DLGAP2: variants seen among roughly 807,000 people sequenced by gnomAD.
The protein encoded by DLGAP2 is disks large-associated protein 2.
A neutral mutation model predicts 100.3 loss-of-function variants in DLGAP2; 26 were observed. That is an observed-to-expected ratio of 0.26 (90% CI 0.19 to 0.36). The LOEUF is 0.36. Among genes scored for constraint, DLGAP2 ranks in the 10% least tolerant of loss-of-function variants. The pLI, the probability that DLGAP2 is intolerant of heterozygous loss-of-function variation, is 1.00. For missense variants in DLGAP2, 1,858 were observed against 1,453.2 expected (o/e 1.28, Z -4.53); for synonymous variants, 886 against 630.1 (o/e 1.41, Z -6.08).
At chr8:1,407,435 G>A (rs1443243182) in intron 3 of DLGAP2, among the ~76,000 whole-genome samples, 9 of 133,900 alleles carry the variant, frequency 6.7e-5, no homozygotes, top group Non-Finnish European at 1.1e-4. Flanking sequence ...CTCCAGAGTC[G>A]TGTATTGAGT....
At chr8:1,333,905 C>T (rs1175638970) in intron 3 of DLGAP2, among the ~76,000 whole-genome samples, 1 of 152,242 alleles carries the variant, frequency 6.6e-6, no homozygotes, top group Non-Finnish European at 1.5e-5. Context: ...TCCTTGCCTC[C>T]CATCTGAGGC....
chr8:1,273,490 C>G (rs1158825300), intron 3 of DLGAP2, among the ~76,000 whole-genome samples: 1 of 152,156 alleles, frequency 6.6e-6, no homozygotes, highest in Non-Finnish European at 1.5e-5. Context: ...AGATGGATGA[C>G]CAGGAGTCTC....
chr8:1,318,209 C>T (rs1800811282), intron 3 of DLGAP2, among the ~76,000 whole-genome samples: 1 of 152,168 alleles, frequency 6.6e-6, no homozygotes, highest in African/African-American at 2.4e-5. Flanking sequence ...TGCTGCTTTT[C>T]ATTTCTTTGC....
At chr8:869,335 C>T (rs746081267) in intron 1 of DLGAP2, among the ~76,000 whole-genome samples, 1 of 152,200 alleles carries the variant, frequency 6.6e-6, no homozygotes, top group Non-Finnish European at 1.5e-5. Context: ...GTTTCCGTTA[C>T]AAGAGTCACG....
intron 3 of DLGAP2, among the ~76,000 whole-genome samples, chr8:1,260,106 G>A (rs949525653): frequency 1.3e-5 from 2 of 152,168 alleles, no homozygotes; most frequent in African/African-American, 4.8e-5. Flanking sequence ...GTCTGGGTGT[G>A]GCAGAGGCCG....
At position 1,283,525 on chromosome 8, in the gene DLGAP2, A is replaced by T. The variant is rs191803587; in HGVS notation, c.106+24642A>T. 5.9e-5 allele frequency among the ~76,000 whole-genome samples: 9 copies of T among 152,354 alleles called. No individual in the cohort carries two copies. The East Asian group carries it at 1.5e-3, about 26-fold the overall frequency. On this transcript the variant is annotated intron_variant, in intron 3 of 14. Coordinates refer to ENST00000637795, the MANE Select transcript of DLGAP2 (RefSeq NM_001346810.2). The stretch of plus-strand genomic sequence containing the variant: ...AATCACTTTAGCAGCTGCAGAAGAC[A>T]GTTCCTTTCAGCCTTGGCACTCGGC...
intron 1 of DLGAP2, among the ~76,000 whole-genome samples, chr8:838,384 G>A (rs2132712189): frequency 6.6e-6 from 1 of 151,810 alleles, no homozygotes; most frequent in Non-Finnish European, 1.5e-5. Flanking sequence ...CTTGGCATCA[G>A]TATTTTATTT....
chr8:1,201,791 C>G (rs1282248148), intron 2 of DLGAP2, among the ~76,000 whole-genome samples: 2 of 152,222 alleles, frequency 1.3e-5, no homozygotes, highest in Non-Finnish European at 2.9e-5. Context: ...CGCAGACACA[C>G]AGCGGTGCCT....
At chr8:1,594,576 A>G (rs1033947567) in intron 6 of DLGAP2, among the ~76,000 whole-genome samples, 9 of 152,072 alleles carry the variant, frequency 5.9e-5, no homozygotes, top group African/African-American at 1.9e-4. Flanking sequence ...AAGAGTGAAG[A>G]AAGCTTACAG....
intron 3 of DLGAP2, among the ~76,000 whole-genome samples, chr8:1,483,019 C>T (rs1229872954): frequency 6.6e-6 from 1 of 152,230 alleles, no homozygotes; most frequent in Admixed American, 6.5e-5. Flanking sequence ...TCCGGCACTG[C>T]CTCCTCCTTG....
chr8:1,337,255 G>C lies in DLGAP2; in HGVS notation c.106+78372G>C, dbSNP rs1424526927. ...TGGTGGTGAGAATGATGGTGATGATGGTGGTGATGATGAGGATGATGGTGG... is the reference window on the plus strand; with the variant it reads ...TGGTGGTGAGAATGATGGTGATGATCGTGGTGATGATGAGGATGATGGTGG... On this transcript the variant is annotated intron_variant, in intron 3 of 14. Coordinates refer to ENST00000637795, the MANE Select transcript of DLGAP2 (RefSeq NM_001346810.2). Among the ~76,000 whole-genome samples, 3 of 121,658 alleles carry C rather than the reference G, an allele frequency of 2.5e-5. No individual in the cohort carries two copies. In the East Asian group the frequency reaches 7.8e-4, roughly 32 times the overall value. 79.8% of individuals were successfully genotyped at this position (121,658 alleles called of 152,430 possible).
intron 3 of DLGAP2, among the ~76,000 whole-genome samples, chr8:1,352,508 C>T (rs553918861): frequency 1.5e-3 from 232 of 152,286 alleles, no homozygotes; most frequent in Middle Eastern, 6.8e-3. Flanking sequence ...AGACAGACGT[C>T]TTAAGTGCCA....
At chr8:790,865 C>T (rs1375510673) in intron 1 of DLGAP2, among the ~76,000 whole-genome samples, 3 of 152,110 alleles carry the variant, frequency 2.0e-5, no homozygotes, top group Non-Finnish European at 4.4e-5. Context: ...CCTGCCTCAG[C>T]CTCCTGAGTA....
intron 3 of DLGAP2, among the ~76,000 whole-genome samples, chr8:1,358,731 G>C (rs557596207): frequency 2.0e-5 from 3 of 151,258 alleles, no homozygotes; most frequent in South Asian, 4.3e-4. Context: ...ACCATGCTGC[G>C]CAGACAGGGG....
rs368087699 is a variant in DLGAP2, at chr8:1,536,589, A to T, written c.173-12037A>T. Among the ~76,000 whole-genome samples, 48 of 152,214 alleles carry T rather than the reference A, an allele frequency of 3.2e-4. No homozygotes were observed. In the South Asian group the frequency reaches 6.4e-3, roughly 20 times the overall value. On this transcript the variant is annotated intron_variant, in intron 4 of 14. Transcript: ENST00000637795. ...GTGCTTCTGCGAAAGTGTAGTATAA[A>T]TTCCATGGGGCCAGCCCTGCATCCT...
At chr8:1,326,538 G>A (rs1260757494) in intron 3 of DLGAP2, among the ~76,000 whole-genome samples, 1 of 152,040 alleles carries the variant, frequency 6.6e-6, no homozygotes, top group Non-Finnish European at 1.5e-5. Flanking sequence ...GTCCGGTCCT[G>A]TCTTTCAGGA....
At chr8:1,029,375 G>A (rs1209725274) in intron 2 of DLGAP2, among the ~76,000 whole-genome samples, 3 of 152,202 alleles carry the variant, frequency 2.0e-5, no homozygotes, top group African/African-American at 7.2e-5. Flanking sequence ...TGAGGAAAGT[G>A]GGCAAAGAGT....
intron 3 of DLGAP2, among the ~76,000 whole-genome samples, chr8:1,358,804 C>T (rs944541761): frequency 6.6e-6 from 1 of 152,066 alleles, no homozygotes; most frequent in East Asian, 1.9e-4. Flanking sequence ...ACCGAACTGC[C>T]TGATCAGGCC....
At chr8:1,309,904 A>G (rs908428062) in intron 3 of DLGAP2, among the ~76,000 whole-genome samples, 2 of 152,140 alleles carry the variant, frequency 1.3e-5, no homozygotes, top group African/African-American at 2.4e-5. Flanking sequence ...AGACCAGCCT[A>G]GCCAACATGG....
Sources: gnomAD v4.1 joint callset for allele counts (sites outside exome capture counted in the v4.1 genomes callset) on GRCh38, gnomAD v4.1.1 for gene constraint, MANE v1.5 for transcripts, NCBI Gene and HGNC (gene_info 2026-07-23, HGNC 2026-07-21) for gene names.